Variants in LRRC4C observed in about 807,000 individuals in gnomAD.
LRRC4C encodes the protein leucine rich repeat containing 4C.
LRRC4C carries 5 observed loss-of-function variants against 33.6 expected under a neutral mutation model. The ratio of observed to expected loss-of-function variants is 0.15; its 90% CI spans 0.08 to 0.31. The LOEUF is 0.31. LRRC4C is among the 10% of genes least tolerant of loss of function. The probability of loss-of-function intolerance (pLI) is 1.00; values close to 1 mark genes in which losing one functional copy is unlikely to be tolerated. For missense variants in LRRC4C, 560 were observed against 796.7 expected (o/e 0.70, Z 3.58); for synonymous variants, 329 against 302.0 (o/e 1.09, Z -0.93).
intron 3 of LRRC4C, among the ~76,000 whole-genome samples, chr11:40,511,547 C>T (rs894993227): frequency 7.9e-5 from 12 of 152,092 alleles, no homozygotes; most frequent in Admixed American, 6.6e-4. Context: ...ATTATGAATT[C>T]AATGTAGTGA....
intron 1 of LRRC4C, among the ~76,000 whole-genome samples, chr11:40,956,848 G>A (rs1332565959): frequency 1.3e-5 from 2 of 151,538 alleles, no homozygotes; most frequent in South Asian, 4.1e-4. Flanking sequence ...CATAGGCATG[G>A]AACATTTTGT....
chr11:40,123,873 A>G (rs904991681), intron 6 of LRRC4C, among the ~76,000 whole-genome samples: 6 of 152,318 alleles, frequency 3.9e-5, no homozygotes, highest in Non-Finnish European at 8.8e-5. Context: ...ACAGCATGGT[A>G]CTGGCATAAA....
At chr11:40,461,600 C>A (rs1952399514) in intron 3 of LRRC4C, among the ~76,000 whole-genome samples, 1 of 151,172 alleles carries the variant, frequency 6.6e-6, no homozygotes, top group Admixed American at 6.6e-5. Context: ...AATGAAATAA[C>A]CAACTTAAAC....
chr11:40,947,710 C>G lies in LRRC4C; in HGVS notation c.-495-13987G>C, dbSNP rs77997212. Among the ~76,000 whole-genome samples the G allele has an allele frequency of 7.5e-3, 1,144 of 151,844 alleles. 13 individuals carry two copies. The highest frequency in any genetic ancestry group is 0.027 in the African/African-American group (1,097 of 41,394). ...CATTCTCTCTCACTCTCCCTCAATC[C>G]CCACCTCCCCTCACTCTTTTCTCTC... On this transcript the variant is annotated intron_variant, in intron 1 of 6. Coordinates refer to ENST00000528697, the MANE Select transcript of LRRC4C (RefSeq NM_001258419.2).
chr11:40,797,378 C>T (rs1274183605), intron 2 of LRRC4C, among the ~76,000 whole-genome samples: 2 of 151,954 alleles, frequency 1.3e-5, no homozygotes. Context: ...AAGGCAAGAT[C>T]CTGGACAGAT....
intron 4 of LRRC4C, among the ~76,000 whole-genome samples, chr11:40,248,640 C>T (rs1318738257): frequency 2.6e-5 from 4 of 152,116 alleles, no homozygotes. Flanking sequence ...GAGTTTGAGG[C>T]TGCAGTGAGC....
intron 1 of LRRC4C, among the ~76,000 whole-genome samples, chr11:41,067,904 C>G (rs1385421840): frequency 2.0e-5 from 3 of 152,138 alleles, no homozygotes; most frequent in Non-Finnish European, 2.9e-5. Context: ...ACAGCTAAAG[C>G]AGTTTTAAGA....
intron 1 of LRRC4C, among the ~76,000 whole-genome samples, chr11:40,954,768 C>T (rs1958883170): frequency 6.6e-6 from 1 of 151,908 alleles, no homozygotes; most frequent in African/African-American, 2.4e-5. Context: ...TAAATATTGG[C>T]TGTGGCTTGG....
rs562593144 is a variant in LRRC4C, at chr11:40,408,509, A to G, written c.-269-88788T>C. 9.2e-5 allele frequency among the ~76,000 whole-genome samples: 14 copies of G among 151,984 alleles called. No individual in the cohort carries two copies. The South Asian group carries it at 2.9e-3, about 32-fold the overall frequency. ...AAGAGGTGGGGGACCTCTCTAGTGAAACTGGAAATATCATAATTATTAGAA... is the reference window on the plus strand; with the variant it reads ...AAGAGGTGGGGGACCTCTCTAGTGAGACTGGAAATATCATAATTATTAGAA... On this transcript the variant is annotated intron_variant, in intron 3 of 6. Transcript: ENST00000528697.
chr11:41,164,643 T>A (rs1340184099), intron 1 of LRRC4C, among the ~76,000 whole-genome samples: 1 of 152,146 alleles, frequency 6.6e-6, no homozygotes, highest in Non-Finnish European at 1.5e-5. Flanking sequence ...TTAGGACAGC[T>A]ATGAGGTCAC....
At chr11:40,194,789 A>C (rs1862119671) in intron 5 of LRRC4C, among the ~76,000 whole-genome samples, 1 of 152,182 alleles carries the variant, frequency 6.6e-6, no homozygotes, top group Admixed American at 6.5e-5. Flanking sequence ...TCTATAGATT[A>C]TTAAAGAAGA....
chr11:40,625,929 T>C (rs1962886126), intron 3 of LRRC4C, among the ~76,000 whole-genome samples: 1 of 152,098 alleles, frequency 6.6e-6, no homozygotes, highest in Admixed American at 6.6e-5. Flanking sequence ...AAGTCTAATC[T>C]CAAAAGAGCA....
intron 1 of LRRC4C, among the ~76,000 whole-genome samples, chr11:41,055,109 T>C (rs933115184): frequency 6.6e-6 from 1 of 152,178 alleles, no homozygotes; most frequent in Admixed American, 6.5e-5. Flanking sequence ...CTAGCCTCCC[T>C]TTTCCTCAGA....
At chr11:40,837,344 T>C (rs1219738697) in intron 2 of LRRC4C, among the ~76,000 whole-genome samples, 1 of 152,142 alleles carries the variant, frequency 6.6e-6, no homozygotes, top group Non-Finnish European at 1.5e-5. Flanking sequence ...AATTGCATAA[T>C]GCTTATTTAG....
chr11:41,184,737 C>T (rs1286394430), intron 1 of LRRC4C, among the ~76,000 whole-genome samples: 1 of 151,556 alleles, frequency 6.6e-6, no homozygotes, highest in Non-Finnish European at 1.5e-5. Context: ...AGCAACGTCC[C>T]ACTTTACTGG....
At chr11:41,031,104 C>T (rs900803791) in intron 1 of LRRC4C, among the ~76,000 whole-genome samples, 32 of 151,932 alleles carry the variant, frequency 2.1e-4, no homozygotes, top group African/African-American at 7.7e-4. Flanking sequence ...CATGCTATTG[C>T]TTTCACGTGG....
intron 1 of LRRC4C, among the ~76,000 whole-genome samples, chr11:41,364,442 C>A (rs895247739): frequency 1.3e-4 from 20 of 152,020 alleles, no homozygotes; most frequent in Non-Finnish European, 2.6e-4. Flanking sequence ...CCACGCCCAG[C>A]TAATTTTTAT....
intron 1 of LRRC4C, among the ~76,000 whole-genome samples, chr11:41,445,296 T>G: frequency 6.6e-6 from 1 of 152,172 alleles, no homozygotes; most frequent in East Asian, 1.9e-4. Flanking sequence ...AGAAAATCCC[T>G]TCTCCCCAGA....
At chr11:40,952,087 T>C (rs1269259711) in intron 1 of LRRC4C, among the ~76,000 whole-genome samples, 2 of 151,994 alleles carry the variant, frequency 1.3e-5, no homozygotes, top group African/African-American at 4.8e-5. Context: ...ATTTTATTCA[T>C]GTGTGTGATG....
Sources: allele counts gnomAD v4.1 joint callset (sites outside exome capture counted in the v4.1 genomes callset), GRCh38; gene constraint gnomAD v4.1.1; transcripts MANE v1.5; gene names NCBI Gene and HGNC (gene_info 2026-07-23, HGNC 2026-07-21).